RSRC1: variants seen among roughly 807,000 people sequenced by gnomAD.
RSRC1 encodes the protein arginine and serine rich coiled-coil 1.
In RSRC1, 39 loss-of-function variants were observed where a neutral mutation model predicts 49.1. The observed-to-expected ratio is 0.79, with a 90% CI of 0.61 to 1.04. The LOEUF (loss-of-function observed/expected upper bound fraction) is 1.04, where lower values mean the gene tolerates loss of function less well. Ranked by LOEUF, RSRC1 falls within the 50% of genes least tolerant of loss-of-function variation. RSRC1 has a pLI of 0.00. For missense variants in RSRC1, 388 were observed against 402.4 expected (o/e 0.96, Z 0.31); for synonymous variants, 143 against 130.8 (o/e 1.09, Z -0.63).
intron 7 of RSRC1, among the ~76,000 whole-genome samples, chr3:158,527,793 A>C (rs939031854): frequency 9.2e-5 from 14 of 151,934 alleles, no homozygotes; most frequent in African/African-American, 3.4e-4. Flanking sequence ...CACCCTTGCA[A>C]ATATGTATAA....
chr3:158,321,455 T>C (rs1728755754), intron 5 of RSRC1, among the ~76,000 whole-genome samples: 2 of 152,060 alleles, frequency 1.3e-5, no homozygotes, highest in Non-Finnish European at 2.9e-5. Flanking sequence ...ATATTTTATT[T>C]AAAACATTGT....
intron 7 of RSRC1, among the ~76,000 whole-genome samples, chr3:158,493,426 T>G (rs967472042): frequency 2.0e-5 from 3 of 152,152 alleles, no homozygotes; most frequent in Non-Finnish European, 4.4e-5. Context: ...AAATAGGAAA[T>G]ATTTTGTGCC....
chr3:158,359,105 T>C (rs1731333428), intron 6 of RSRC1, among the ~76,000 whole-genome samples: 2 of 152,212 alleles, frequency 1.3e-5, no homozygotes, highest in South Asian at 4.1e-4. Flanking sequence ...CATTTGGTAA[T>C]TCTATGTTTA....
intron 6 of RSRC1, 149 bp downstream of exon 6, chr3:158,355,057 A>G: frequency 2.1e-6 from 1 of 473,312 alleles, no homozygotes; most frequent in Non-Finnish European, 3.8e-6. Context: ...ATGGCCATAT[A>G]TTATCTGAAA....
chr3:158,231,136 G>C lies in RSRC1; in HGVS notation c.494+27891G>C, dbSNP rs1382288598. Among the ~76,000 whole-genome samples, 5 of 98,466 alleles carry C rather than the reference G, an allele frequency of 5.1e-5. No individual in the cohort carries two copies. The Admixed American group carries it at 7.3e-4, about 14-fold the overall frequency. The allele number at this position is 98,466 out of a possible 152,430, so 64.6% of individuals were successfully genotyped here. A position where few individuals can be genotyped will look rare whatever the true frequency, so the allele number is the denominator to read the frequency against. ...AGAGATGAAGAATAACTAGTCGTTA[G>C]CTTTTTTTTTTTTTTTTTTTTTTTT... On this transcript the variant is annotated intron_variant, in intron 4 of 9. Coordinates refer to ENST00000611884, the MANE Select transcript of RSRC1 (RefSeq NM_001271838.2).
chr3:158,127,450 C>A (rs1331270097), intron 3 of RSRC1, among the ~76,000 whole-genome samples: 1 of 151,786 alleles, frequency 6.6e-6, no homozygotes, highest in Admixed American at 6.6e-5. Flanking sequence ...TGCTTGACTG[C>A]GTTTGCTACT....
At chr3:158,499,569 G>A (rs955350499) in intron 7 of RSRC1, among the ~76,000 whole-genome samples, 12 of 152,098 alleles carry the variant, frequency 7.9e-5, no homozygotes, top group Admixed American at 5.2e-4. Flanking sequence ...GCAGTGTTTT[G>A]TAGTTTTCCT....
At chr3:158,255,396 A>C (rs1724482405) in intron 4 of RSRC1, among the ~76,000 whole-genome samples, 1 of 152,088 alleles carries the variant, frequency 6.6e-6, no homozygotes, top group South Asian at 2.1e-4. Flanking sequence ...GTTATTTCTG[A>C]GGCCTCTGTT....
At chr3:158,112,658 A>G (rs1714490606) in intron 1 of RSRC1, among the ~76,000 whole-genome samples, 1 of 152,068 alleles carries the variant, frequency 6.6e-6, no homozygotes, top group African/African-American at 2.4e-5. Context: ...TTCTCTAAGG[A>G]AGGATTTATT....
intron 6 of RSRC1, among the ~76,000 whole-genome samples, chr3:158,367,558 T>G (rs1165325686): frequency 6.6e-6 from 1 of 152,200 alleles, no homozygotes; most frequent in East Asian, 1.9e-4. Context: ...TTGAGGATTT[T>G]TGCATCAATG....
intron 3 of RSRC1, among the ~76,000 whole-genome samples, chr3:158,184,358 G>A (rs1265051396): frequency 6.6e-6 from 1 of 151,510 alleles, no homozygotes. Flanking sequence ...CATATGCTTC[G>A]ATTTCAAGTT....
chr3:158,377,673 C>A (rs1031995083), intron 6 of RSRC1, among the ~76,000 whole-genome samples: 1 of 127,640 alleles, frequency 7.8e-6, no homozygotes, highest in Non-Finnish European at 1.7e-5. Flanking sequence ...TTTTTTTTTT[C>A]TTCTGAGACA....
chr3:158,128,407 G>T (rs1715774714), intron 3 of RSRC1, among the ~76,000 whole-genome samples: 1 of 152,112 alleles, frequency 6.6e-6, no homozygotes, highest in Admixed American at 6.5e-5. Flanking sequence ...ATTTTGGTTT[G>T]TATATTGTTT....
chr3:158,434,606 C>T (rs1227818032), intron 6 of RSRC1, among the ~76,000 whole-genome samples: 1 of 151,910 alleles, frequency 6.6e-6, no homozygotes, highest in African/African-American at 2.4e-5. Flanking sequence ...TCTTTTTGCG[C>T]CACCTAGCGA....
At chr3:158,150,129 T>C (rs1015884762) in intron 3 of RSRC1, among the ~76,000 whole-genome samples, 6 of 152,228 alleles carry the variant, frequency 3.9e-5, no homozygotes, top group South Asian at 2.1e-4. Flanking sequence ...GGAAAAGTTG[T>C]AAAGGACCAA....
chr3:158,457,764 A>AAC (rs1491212122), intron 6 of RSRC1, among the ~76,000 whole-genome samples: 1 of 109,652 alleles, frequency 9.1e-6, no homozygotes, highest in Non-Finnish European at 2.0e-5. Context: ...TTTGTTTTTT[A>AAC]ATATATATAT....
intron 5 of RSRC1, among the ~76,000 whole-genome samples, chr3:158,336,128 A>T (rs189545283): frequency 6.6e-6 from 1 of 152,238 alleles, no homozygotes; most frequent in East Asian, 1.9e-4. Flanking sequence ...TCACTTGTCT[A>T]TGCCTGCCTA....
intron 6 of RSRC1, among the ~76,000 whole-genome samples, chr3:158,376,949 G>A (rs1560016897): frequency 6.6e-6 from 1 of 152,078 alleles, no homozygotes; most frequent in South Asian, 2.1e-4. Context: ...CTACAGTTGG[G>A]GGTGTTGTGT....
chr3:158,472,230 G>A (rs1388821834), intron 7 of RSRC1, among the ~76,000 whole-genome samples: 1 of 151,990 alleles, frequency 6.6e-6, no homozygotes, highest in East Asian at 1.9e-4. Flanking sequence ...GGTCAGAAGT[G>A]CTACTGAACA....
Sources: allele counts gnomAD v4.1 joint callset (sites outside exome capture counted in the v4.1 genomes callset), GRCh38; gene constraint gnomAD v4.1.1; transcripts MANE v1.5; gene names NCBI Gene and HGNC (gene_info 2026-07-23, HGNC 2026-07-21).